Variants in MEF2C observed in about 807,000 individuals in gnomAD.
MEF2C encodes myocyte-specific enhancer factor 2C.
Under a neutral mutation model 50.5 loss-of-function variants are expected in MEF2C, and 6 were observed. The observed-to-expected ratio is 0.12, with a 90% CI of 0.07 to 0.23. MEF2C has a LOEUF of 0.23. Among genes scored for constraint, MEF2C ranks in the 10% least tolerant of loss-of-function variants. MEF2C has a pLI of 1.00. For missense variants in MEF2C, 276 were observed against 605.0 expected, an observed-to-expected ratio of 0.46 and a Z score of 5.70; for synonymous variants, 183 against 228.0, an observed-to-expected ratio of 0.80 and a Z score of 1.78.
chr5:88,772,712 G>T (rs763991076), intron 3 of MEF2C: 7 of 984,018 alleles, frequency 7.1e-6, no homozygotes, highest in Non-Finnish European at 8.4e-6. Flanking sequence ...TTTTAAAATT[G>T]ATTTCTCCCT....
intron 1 of MEF2C, among the ~76,000 whole-genome samples, chr5:88,894,833 C>T (rs953044676): frequency 1.3e-5 from 2 of 152,058 alleles, no homozygotes; most frequent in Non-Finnish European, 2.9e-5. Context: ...CATGTATAAA[C>T]AGCATGGGAA....
At chr5:88,810,865 G>A (rs1013339587) in intron 2 of MEF2C, among the ~76,000 whole-genome samples, 8 of 152,074 alleles carry the variant, frequency 5.3e-5, no homozygotes, top group Non-Finnish European at 1.2e-4. Flanking sequence ...TAGGTGATAA[G>A]AGTCTATATC....
At chr5:88,787,391 T>A (rs1791458216) in intron 3 of MEF2C, among the ~76,000 whole-genome samples, 1 of 152,134 alleles carries the variant, frequency 6.6e-6, no homozygotes, top group Non-Finnish European at 1.5e-5. Context: ...ACAGCTGTTA[T>A]AACCTGCAAT....
At chr5:88,760,525 T>C (rs535049382) in intron 4 of MEF2C, among the ~76,000 whole-genome samples, 1 of 152,368 alleles carries the variant, frequency 6.6e-6, no homozygotes, top group East Asian at 1.9e-4. Context: ...GCTGAAGTTT[T>C]ATTCAGAAAT....
At position 88,742,521 on chromosome 5, in the gene MEF2C, A is replaced by AT. The variant is rs1425491759; in HGVS notation, c.637+6548dup. 12 of 980,214 alleles carry AT rather than the reference A, an allele frequency of 1.2e-5. No homozygotes were observed. In the Admixed American group the frequency reaches 1.8e-4, roughly 15 times the overall value. The allele number at this position is 980,214 out of a possible 1,614,324, so 60.7% of individuals were successfully genotyped here. On this transcript the variant is annotated intron_variant, in intron 6 of 10. Transcript: ENST00000504921. ...TACTGTAGATATAGAAGGATAGAGA[A>AT]TAAAAAGGATACAATTTGTGAAGTC...
chr5:88,866,854 A>T (rs1827553949), intron 1 of MEF2C, among the ~76,000 whole-genome samples: 1 of 152,222 alleles, frequency 6.6e-6, no homozygotes, highest in South Asian at 2.1e-4. Flanking sequence ...AACTCCTGAA[A>T]TCCATTTAAT....
intron 1 of MEF2C, among the ~76,000 whole-genome samples, chr5:88,838,263 T>C (rs1282547278): frequency 6.6e-6 from 1 of 152,198 alleles, no homozygotes; most frequent in East Asian, 1.9e-4. Context: ...CATTTTCTTA[T>C]TCTTGATGGC....
chr5:88,834,096 G>T (rs1281321035), intron 1 of MEF2C, among the ~76,000 whole-genome samples: 3 of 152,122 alleles, frequency 2.0e-5, no homozygotes, highest in African/African-American at 4.8e-5. Flanking sequence ...AAAACATGCT[G>T]GGGCTGTGTA....
chr5:88,869,278 C>CATATATAT (rs57717988), intron 1 of MEF2C, among the ~76,000 whole-genome samples: 18 of 48,590 alleles, frequency 3.7e-4, no homozygotes, highest in East Asian at 1.2e-3. Context: ...TATATATATA[C>CATATATAT]ATATATATAT....
At chr5:88,731,051 A>C (rs115010162) in intron 7 of MEF2C, among the ~76,000 whole-genome samples, 1,962 of 152,246 alleles carry the variant, frequency 0.013, 46 homozygotes, top group African/African-American at 0.045. Flanking sequence ...CTGGGGATAT[A>C]ACCTCTATTT....
chr5:88,718,952 T>C lies in MEF2C; in HGVS notation c.*3652A>G, dbSNP rs1755385129. On this transcript the variant is annotated 3_prime_UTR_variant, in exon 11 of 11. Transcript: ENST00000504921. ...ATAAAAGTGACGACATCACGGCAGATGGCACAAATGAGAACAGATGAAGTA... is the reference window on the plus strand; with the variant it reads ...ATAAAAGTGACGACATCACGGCAGACGGCACAAATGAGAACAGATGAAGTA... The C allele has an allele frequency of 6.6e-6, 1 of 152,198 alleles. No homozygotes were observed. The highest frequency in any genetic ancestry group is 6.5e-5 in the Admixed American group (1 of 15,274). 9.4% of individuals were successfully genotyped at this position (152,198 alleles called of 1,614,324 possible).
At chr5:88,753,691 C>T (rs1205161837) in intron 4 of MEF2C, among the ~76,000 whole-genome samples, 1 of 152,130 alleles carries the variant, frequency 6.6e-6, no homozygotes, top group Non-Finnish European at 1.5e-5. Flanking sequence ...ACATCTGGCC[C>T]AATCTGTCAT....
chr5:88,864,081 C>T (rs1347643306), intron 1 of MEF2C, among the ~76,000 whole-genome samples: 7 of 151,572 alleles, frequency 4.6e-5, no homozygotes, highest in African/African-American at 1.5e-4. Flanking sequence ...CTTGGCCTCC[C>T]GAAGTGCTGG....
At chr5:88,829,114 A>G (rs1364920424) in intron 1 of MEF2C, among the ~76,000 whole-genome samples, 1 of 151,988 alleles carries the variant, frequency 6.6e-6, no homozygotes, top group Non-Finnish European at 1.5e-5. Flanking sequence ...ATTTCAAACC[A>G]TCTTCAAGTC....
chr5:88,887,440 T>G (rs1834128699), upstream of MEF2C: 1 of 152,184 alleles, frequency 6.6e-6, no homozygotes, highest in African/African-American at 2.4e-5. Flanking sequence ...GCCAAGGAGT[T>G]TGGCAGTTTT....
Position 88,720,975 on chromosome 5 carries a change from G to A in MEF2C, c.*1629C>T, listed in dbSNP as rs1257533476. 6.6e-6 allele frequency: 1 copy of A among 152,582 alleles called. No individual in the cohort carries two copies. Among genetic ancestry groups the A allele is most frequent in the Non-Finnish European group, 1.5e-5 (1 of 68,014 alleles). 9.5% of individuals were successfully genotyped at this position (152,582 alleles called of 1,614,324 possible). ...TTGCTGACAAGATTGTCAAGGGTCA[G>A]TTAAAATAATTAAAAACGGATGACA... On this transcript the variant is annotated 3_prime_UTR_variant, in exon 11 of 11. Transcript: ENST00000504921.
intron 2 of MEF2C, among the ~76,000 whole-genome samples, chr5:88,814,215 G>C (rs1581123157): frequency 6.6e-6 from 1 of 151,796 alleles, no homozygotes; most frequent in African/African-American, 2.4e-5. Context: ...ATGTTCTAAA[G>C]TATTCTTCTT....
At chr5:88,813,237 A>G (rs1803659094) in intron 2 of MEF2C, among the ~76,000 whole-genome samples, 1 of 152,106 alleles carries the variant, frequency 6.6e-6, no homozygotes, top group South Asian at 2.1e-4. Context: ...ATTTCAGAAA[A>G]TGGGAAGAAT....
rs187932007 is a variant in MEF2C, at chr5:88,794,808, T to A, written c.258+9790A>T. Among the ~76,000 whole-genome samples, 190 of 152,340 alleles carry A rather than the reference T, an allele frequency of 1.2e-3. 1 individual carries two copies. The highest frequency in any genetic ancestry group is 2.9e-3 in the South Asian group (14 of 4,824). ...TTTAAGTCTTTAATCCATCTACAGTTATTTTTTTGTATAAGGTGTAAGGAA... is the reference window on the plus strand; with the variant it reads ...TTTAAGTCTTTAATCCATCTACAGTAATTTTTTTGTATAAGGTGTAAGGAA... On this transcript the variant is annotated intron_variant, in intron 3 of 10. Coordinates refer to ENST00000504921, the MANE Select transcript of MEF2C (RefSeq NM_002397.5).
Sources: allele counts gnomAD v4.1 joint callset (sites outside exome capture counted in the v4.1 genomes callset), GRCh38; gene constraint gnomAD v4.1.1; transcripts MANE v1.5; gene names NCBI Gene and HGNC (gene_info 2026-07-23, HGNC 2026-07-21).